NAV3: variants seen among roughly 807,000 people sequenced by gnomAD.
NAV3 encodes the protein neuron navigator 3, also known as pore membrane and/or filament interacting like protein 1.
A neutral mutation model predicts 244.7 loss-of-function variants in NAV3; 87 were observed. That is an observed-to-expected ratio of 0.36 (90% CI 0.30 to 0.42). NAV3 has a LOEUF of 0.42. Among genes scored for constraint, NAV3 ranks in the 20% least tolerant of loss-of-function variants. The pLI, the probability that NAV3 is intolerant of heterozygous loss-of-function variation, is 1.00. For synonymous variants in NAV3, 1,126 were observed against 1,042.2 expected, an observed-to-expected ratio of 1.08 and a Z score of -1.55; for missense variants, 2,663 against 2,893.3, an observed-to-expected ratio of 0.92 and a Z score of 1.83.
At chr12:77,616,090 A>G (rs924106311) in intron 2 of NAV3, among the ~76,000 whole-genome samples, 1 of 152,098 alleles carries the variant, frequency 6.6e-6, no homozygotes, top group East Asian at 1.9e-4. Context: ...TAGTGCCTCA[A>G]ACTATATCGT....
chr12:77,971,879 T>C (rs906347448), intron 5 of NAV3, among the ~76,000 whole-genome samples: 2 of 152,300 alleles, frequency 1.3e-5, no homozygotes, highest in Admixed American at 1.3e-4. Flanking sequence ...TCTCTTTGTT[T>C]AAAGTAAATT....
intron 1 of NAV3, among the ~76,000 whole-genome samples, chr12:77,928,314 T>C (rs889957480): frequency 1.3e-5 from 2 of 151,656 alleles, no homozygotes; most frequent in East Asian, 3.9e-4. Flanking sequence ...CAAGAAAGAT[T>C]AGAGAACAAC....
At chr12:77,658,713 A>G (rs1459277306) in intron 2 of NAV3, among the ~76,000 whole-genome samples, 1 of 152,094 alleles carries the variant, frequency 6.6e-6, no homozygotes, top group Non-Finnish European at 1.5e-5. Flanking sequence ...AAACTATACT[A>G]CAAGGCTACA....
chr12:78,094,209 C>T (rs1954113446), intron 12 of NAV3, among the ~76,000 whole-genome samples: 2 of 152,130 alleles, frequency 1.3e-5, no homozygotes, highest in African/African-American at 2.4e-5. Flanking sequence ...GATGTTTATG[C>T]TATATGTCTA....
intron 1 of NAV3, among the ~76,000 whole-genome samples, chr12:77,849,361 G>T (rs1375292216): frequency 1.3e-5 from 2 of 152,030 alleles, no homozygotes; most frequent in East Asian, 3.9e-4. Flanking sequence ...TGATTTATTG[G>T]ATAGAAATGC....
intron 2 of NAV3, among the ~76,000 whole-genome samples, chr12:77,663,124 G>T (rs7310783): frequency 0.055 from 8,408 of 152,100 alleles, 557 homozygotes; most frequent in African/African-American, 0.16. Context: ...TCGTTTTTGT[G>T]AAACTAACAA....
chr12:77,803,756 C>T (rs1172574137), intron 2 of NAV3, among the ~76,000 whole-genome samples: 3 of 152,098 alleles, frequency 2.0e-5, no homozygotes, highest in Non-Finnish European at 2.9e-5. Flanking sequence ...AGTGTAAAAG[C>T]GTTTATATTT....
chr12:78,148,300 G>A (rs1397944561), intron 21 of NAV3, among the ~76,000 whole-genome samples: 1 of 151,962 alleles, frequency 6.6e-6, no homozygotes, highest in African/African-American at 2.4e-5. Flanking sequence ...CAATTTAAAT[G>A]TGAACTGATT....
intron 1 of NAV3, among the ~76,000 whole-genome samples, chr12:77,928,693 A>G (rs970415262): frequency 6.6e-6 from 1 of 152,226 alleles, no homozygotes. Flanking sequence ...TAGTTAGCAT[A>G]GTAAATCCTA....
At chr12:77,795,517 TAAATGAA>T (rs1871365923) in intron 2 of NAV3, among the ~76,000 whole-genome samples, 1 of 152,140 alleles carries the variant, frequency 6.6e-6, no homozygotes, top group Non-Finnish European at 1.5e-5. Flanking sequence ...CAATGTACAG[TAAATGAA>T]ATTTACTGTA....
intron 2 of NAV3, among the ~76,000 whole-genome samples, chr12:77,701,672 G>A (rs1875570513): frequency 6.6e-6 from 1 of 151,844 alleles, no homozygotes; most frequent in African/African-American, 2.4e-5. Flanking sequence ...ATTTTGATAT[G>A]TTGTGTTTTC....
In NAV3 at chr12:78,099,561, T is replaced by C. The variant is rs1268915373; in HGVS notation, c.2637-17211T>C. Among the ~76,000 whole-genome samples, 4 of 152,008 alleles carry C rather than the reference T, an allele frequency of 2.6e-5. No individual in the cohort carries two copies. In the East Asian group the frequency reaches 5.8e-4, roughly 22 times the overall value. ...ATATAAGATGGAAAAAGATACCAAATGGTCTTCAATGAATCCTGGAGTTAA... is the reference window on the plus strand; with the variant it reads ...ATATAAGATGGAAAAAGATACCAAACGGTCTTCAATGAATCCTGGAGTTAA... On this transcript the variant is annotated intron_variant, in intron 12 of 39. Transcript: ENST00000397909.
chr12:77,586,169 G>GA (rs1230292912), intron 2 of NAV3, among the ~76,000 whole-genome samples: 14 of 126,338 alleles, frequency 1.1e-4, no homozygotes, highest in East Asian at 7.8e-4. Context: ...CTCAAAAAAA[G>GA]AAAAAAAAAA....
chr12:77,671,948 A>T (rs1873995825), intron 2 of NAV3, among the ~76,000 whole-genome samples: 1 of 152,160 alleles, frequency 6.6e-6, no homozygotes. Flanking sequence ...CAAAATAAAC[A>T]ATCAGTAGAG....
At chr12:77,845,964 T>A (rs930192428) in intron 1 of NAV3, among the ~76,000 whole-genome samples, 5 of 152,186 alleles carry the variant, frequency 3.3e-5, no homozygotes, top group Non-Finnish European at 7.4e-5. Flanking sequence ...ATTAGTTTAA[T>A]TCTTTAAACA....
intron 1 of NAV3, among the ~76,000 whole-genome samples, chr12:77,901,644 A>AGATTGCAGTGAACTGAGATCGCACCACC (rs1885307027): frequency 1.3e-5 from 2 of 152,188 alleles, no homozygotes; most frequent in Non-Finnish European, 2.9e-5. Flanking sequence ...CAGGAGGCAG[A>AGATTGCAGTGAACTGAGATCGCACCACC]GATTGCAGTG....
rs185211955 is a variant in NAV3 at position 77,769,413 on chromosome 12, G to C, written c.73-170906G>C. 1.6e-3 allele frequency among the ~76,000 whole-genome samples: 247 copies of C among 152,320 alleles called. 2 individuals are homozygous for C. The highest frequency in any genetic ancestry group is 5.7e-3 in the African/African-American group (236 of 41,580). The stretch of plus-strand genomic sequence containing the variant: ...CCCAGAGTGGTCATGCAATCTGTCA[G>C]AAGCATTTTCTGATAGCACAATAGT... On this transcript the variant is annotated intron_variant, in intron 2 of 8. Transcript: ENST00000550042.
At chr12:78,122,736 T>C (rs1955728902) in intron 16 of NAV3, among the ~76,000 whole-genome samples, 1 of 152,178 alleles carries the variant, frequency 6.6e-6, no homozygotes, top group Admixed American at 6.5e-5. Flanking sequence ...ATTTTAATGA[T>C]TTGGCTTAAG....
intron 38 of NAV3, among the ~76,000 whole-genome samples, chr12:78,202,250 A>T (rs909619713): frequency 6.6e-6 from 1 of 152,032 alleles, no homozygotes; most frequent in African/African-American, 2.4e-5. Flanking sequence ...ATTTTATGAA[A>T]ATTTTAGAAC....
Sources: gnomAD v4.1 joint callset for allele counts (sites outside exome capture counted in the v4.1 genomes callset) on GRCh38, gnomAD v4.1.1 for gene constraint, MANE v1.5 for transcripts, NCBI Gene and HGNC (gene_info 2026-07-23, HGNC 2026-07-21) for gene names.